Variants in MYO3B observed in about 807,000 individuals in gnomAD.
The protein encoded by MYO3B is myosin IIIB, also known as myosin-IIIb.
A neutral mutation model predicts 174.6 loss-of-function variants in MYO3B; 156 were observed. The ratio of observed to expected loss-of-function variants is 0.89; its 90% confidence interval spans 0.78 to 1.02. The LOEUF (loss-of-function observed/expected upper bound fraction) is 1.02. Ranked by LOEUF, MYO3B falls within the 50% of genes least tolerant of loss-of-function variation. The pLI is 0.00. For synonymous variants in MYO3B, 563 were observed against 569.1 expected (o/e 0.99, Z 0.15); for missense variants, 1,632 against 1,639.4 (o/e 1.00, Z 0.08).
chr2:170,409,268 G>T (rs1314725688), intron 22 of MYO3B, among the ~76,000 whole-genome samples: 1 of 152,176 alleles, frequency 6.6e-6, no homozygotes, highest in Non-Finnish European at 1.5e-5. Context: ...CCCTGCAGCC[G>T]GTCTCTGTTC....
intron 22 of MYO3B, among the ~76,000 whole-genome samples, chr2:170,423,985 C>T (rs995776248): frequency 1.3e-5 from 2 of 152,130 alleles, no homozygotes; most frequent in African/African-American, 2.4e-5. Flanking sequence ...TCTTGAAACA[C>T]CAAATTTGTG....
chr2:170,552,332 G>A (rs971786446), intron 32 of MYO3B, among the ~76,000 whole-genome samples: 2 of 152,184 alleles, frequency 1.3e-5, no homozygotes, highest in Non-Finnish European at 2.9e-5. Flanking sequence ...TATGGACAGT[G>A]AAGTCCAGGC....
intron 25 of MYO3B, among the ~76,000 whole-genome samples, chr2:170,478,096 GAA>G (rs2106001748): frequency 6.6e-6 from 1 of 152,216 alleles, no homozygotes; most frequent in East Asian, 1.9e-4. Flanking sequence ...TATCAGGAAA[GAA>G]AAAATTTTTT....
chr2:170,254,381 C>T (rs1323639264), intron 7 of MYO3B, among the ~76,000 whole-genome samples: 1 of 152,152 alleles, frequency 6.6e-6, no homozygotes, highest in Non-Finnish European at 1.5e-5. Flanking sequence ...GACCACAGCC[C>T]TCACTGACTG....
At chr2:170,603,029 T>A (rs1444172648) in intron 32 of MYO3B, among the ~76,000 whole-genome samples, 2 of 152,012 alleles carry the variant, frequency 1.3e-5, no homozygotes, top group Non-Finnish European at 2.9e-5. Flanking sequence ...GATCGCACCA[T>A]TGCACTCCAG....
chr2:170,445,291 A>G (rs2105915426), intron 23 of MYO3B, among the ~76,000 whole-genome samples: 1 of 152,180 alleles, frequency 6.6e-6, no homozygotes, highest in Non-Finnish European at 1.5e-5. Flanking sequence ...GCATATCACA[A>G]CCTTCTTGTG....
intron 32 of MYO3B, among the ~76,000 whole-genome samples, chr2:170,579,365 A>G (rs1186039643): frequency 6.6e-6 from 1 of 152,002 alleles, no homozygotes; most frequent in Non-Finnish European, 1.5e-5. Flanking sequence ...AGAGAGGGAA[A>G]ATACCAAAAA....
intron 32 of MYO3B, among the ~76,000 whole-genome samples, chr2:170,565,438 A>G (rs553106957): frequency 1.3e-5 from 2 of 152,346 alleles, no homozygotes; most frequent in South Asian, 2.1e-4. Context: ...AAACTGCTCA[A>G]CGTGGTACCT....
chr2:170,301,899 T>TTTG (rs2093668050), intron 7 of MYO3B, among the ~76,000 whole-genome samples: 1 of 99,046 alleles, frequency 1.0e-5, no homozygotes, highest in African/African-American at 4.4e-5. Flanking sequence ...TTTTTTTTTT[T>TTTG]AGGAGGCTGG....
At chr2:170,199,758 C>T (rs1294864471) in intron 2 of MYO3B, among the ~76,000 whole-genome samples, 1 of 152,174 alleles carries the variant, frequency 6.6e-6, no homozygotes, top group Non-Finnish European at 1.5e-5. Flanking sequence ...GGTTATAATG[C>T]TGTATGCTGT....
chr2:170,310,192 C>T (rs1315527951), intron 7 of MYO3B, among the ~76,000 whole-genome samples: 17 of 152,134 alleles, frequency 1.1e-4, no homozygotes, highest in Admixed American at 7.9e-4. Flanking sequence ...GAGCTCTCGA[C>T]GAAAAGCGTC....
chr2:170,639,270 C>G (rs1321736128), intron 32 of MYO3B, among the ~76,000 whole-genome samples: 2 of 152,208 alleles, frequency 1.3e-5, no homozygotes, highest in Non-Finnish European at 2.9e-5. Flanking sequence ...AGACTGCTGC[C>G]TGGCATTGTG....
intron 32 of MYO3B, among the ~76,000 whole-genome samples, chr2:170,564,802 T>C (rs1691960382): frequency 6.6e-6 from 1 of 152,130 alleles, no homozygotes; most frequent in Admixed American, 6.5e-5. Context: ...CTGTTAAAAA[T>C]TACATTTACA....
At position 170,496,417 on chromosome 2, in the gene MYO3B, G is replaced by A. The variant is rs150059561; in HGVS notation, c.3015-2175G>A. ...AATTTCAAAATATCAGATTAGTCTC[G>A]TTTGAGGAATGGCAGGAAAATCCTT... On this transcript the variant is annotated intron_variant, in intron 25 of 34. Transcript: ENST00000408978. 3.5e-4 allele frequency among the ~76,000 whole-genome samples: 53 copies of A among 152,004 alleles called. 1 individual carries two copies. Among genetic ancestry groups the A allele is most frequent in the African/African-American group, 7.5e-4 (31 of 41,488 alleles).
At chr2:170,262,630 G>T (rs1005823847) in intron 7 of MYO3B, among the ~76,000 whole-genome samples, 1 of 152,162 alleles carries the variant, frequency 6.6e-6, no homozygotes, top group African/African-American at 2.4e-5. Context: ...GGGCCAGGAA[G>T]AAATCAAAGC....
intron 7 of MYO3B, among the ~76,000 whole-genome samples, chr2:170,325,716 C>T (rs16858156): frequency 0.053 from 8,092 of 152,052 alleles, 367 homozygotes; most frequent in African/African-American, 0.12. Context: ...TTGCTCTCAG[C>T]GTAGTTAAGC....
intron 7 of MYO3B, among the ~76,000 whole-genome samples, chr2:170,310,196 A>C (rs1331470884): frequency 6.6e-6 from 1 of 152,212 alleles, no homozygotes; most frequent in Non-Finnish European, 1.5e-5. Flanking sequence ...TCTCGACGAA[A>C]AGCGTCAAAC....
intron 7 of MYO3B, among the ~76,000 whole-genome samples, chr2:170,266,940 C>T (rs1257504690): frequency 6.6e-6 from 1 of 152,120 alleles, no homozygotes; most frequent in Non-Finnish European, 1.5e-5. Context: ...AAAAAGTTTA[C>T]AGGTAATTAG....
intron 18 of MYO3B, among the ~76,000 whole-genome samples, chr2:170,401,932 A>G (rs1382045138): frequency 6.6e-6 from 1 of 151,048 alleles, no homozygotes; most frequent in Non-Finnish European, 1.5e-5. Context: ...CCTCTTGAGT[A>G]GCTGGGATTA....
Sources: gnomAD v4.1 joint callset for allele counts (sites outside exome capture counted in the v4.1 genomes callset) on GRCh38, gnomAD v4.1.1 for gene constraint, MANE v1.5 for transcripts, NCBI Gene and HGNC (gene_info 2026-07-23, HGNC 2026-07-21) for gene names.